SLC24A3: variants seen among roughly 807,000 people sequenced by gnomAD.
The protein encoded by SLC24A3 is sodium/potassium/calcium exchanger 3.
SLC24A3 carries 28 observed loss-of-function variants against 75.8 expected under a neutral mutation model. That is an observed-to-expected ratio of 0.37 (90% CI 0.27 to 0.51). The LOEUF is 0.51. Among genes scored for constraint, SLC24A3 ranks in the 20% least tolerant of loss-of-function variants. The pLI is 0.94. For missense variants in SLC24A3, 663 were observed against 847.8 expected, an observed-to-expected ratio of 0.78 and a Z score of 2.71; for synonymous variants, 372 against 334.1, an observed-to-expected ratio of 1.11 and a Z score of -1.24.
chr20:19,535,177 A>G (rs1368971984), intron 3 of SLC24A3, among the ~76,000 whole-genome samples: 1 of 152,236 alleles, frequency 6.6e-6, no homozygotes, highest in African/African-American at 2.4e-5. Context: ...GTGATATTGT[A>G]TCAGTTAGCT....
At chr20:19,439,359 A>T (rs952445948) in intron 2 of SLC24A3, among the ~76,000 whole-genome samples, 5 of 152,212 alleles carry the variant, frequency 3.3e-5, no homozygotes, top group South Asian at 2.1e-4. Context: ...GGTTTAAAAA[A>T]TTTTTTTCTT....
At chr20:19,444,196 G>A (rs1022816119) in intron 2 of SLC24A3, among the ~76,000 whole-genome samples, 2 of 152,020 alleles carry the variant, frequency 1.3e-5, no homozygotes, top group African/African-American at 4.8e-5. Flanking sequence ...CCTGGTCATG[G>A]CGTATAATTT....
At chr20:19,223,748 C>T (rs1167330421) in intron 1 of SLC24A3, among the ~76,000 whole-genome samples, 3 of 152,142 alleles carry the variant, frequency 2.0e-5, no homozygotes, top group Admixed American at 6.5e-5. Context: ...ACAGGGCCTA[C>T]GTAAGGAGAT....
intron 2 of SLC24A3, among the ~76,000 whole-genome samples, chr20:19,499,913 C>T (rs1347062128): frequency 6.6e-6 from 1 of 152,074 alleles, no homozygotes; most frequent in African/African-American, 2.4e-5. Flanking sequence ...CCAGTTTGTG[C>T]ATTTGTGTGT....
chr20:19,258,748 A>C (rs1380431860), intron 1 of SLC24A3, among the ~76,000 whole-genome samples: 1 of 152,136 alleles, frequency 6.6e-6, no homozygotes, highest in Non-Finnish European at 1.5e-5. Context: ...ATAAAAGTGA[A>C]CATTTTCCTG....
chr20:19,483,978 G>C (rs1051440000), intron 2 of SLC24A3, among the ~76,000 whole-genome samples: 28 of 152,264 alleles, frequency 1.8e-4, no homozygotes, highest in African/African-American at 6.5e-4. Flanking sequence ...TTTGAGATAC[G>C]TATCCAAAAG....
chr20:19,265,961 C>T (rs1191591105), intron 1 of SLC24A3: 2 of 153,034 alleles, frequency 1.3e-5, no homozygotes, highest in African/African-American at 2.4e-5. Context: ...GGAGCTTCCT[C>T]CCAGAACAGG....
At chr20:19,642,511 A>G (rs1440211471) in intron 6 of SLC24A3, among the ~76,000 whole-genome samples, 1 of 152,212 alleles carries the variant, frequency 6.6e-6, no homozygotes, top group African/African-American at 2.4e-5. Flanking sequence ...CACACACCCT[A>G]AAATGTGGAG....
At chr20:19,661,223 T>G (rs1037484623) in intron 7 of SLC24A3, among the ~76,000 whole-genome samples, 2 of 152,214 alleles carry the variant, frequency 1.3e-5, no homozygotes, top group African/African-American at 4.8e-5. Flanking sequence ...CTTCATATAT[T>G]TATACAACAT....
chr20:19,674,680 A>T (rs2122730641), intron 9 of SLC24A3, among the ~76,000 whole-genome samples: 2 of 152,378 alleles, frequency 1.3e-5, no homozygotes, highest in South Asian at 4.1e-4. Flanking sequence ...GAAAAATGTC[A>T]AAGAACTGTT....
rs755232842 is a variant in SLC24A3 at position 19,443,739 on chromosome 20, G to T, written c.272-71749G>T. On this transcript the variant is annotated intron_variant, in intron 2 of 16. Transcript: ENST00000328041. ...AGGAGTAGTGAGAGGAAACATCATT[G>T]CCTTACTCCTGCTGATCTTAGGGGA... Among the ~76,000 whole-genome samples, 169 of 152,140 alleles carry T rather than the reference G, an allele frequency of 1.1e-3. 1 individual carries two copies. The highest frequency in any genetic ancestry group is 2.1e-3 in the Admixed American group (32 of 15,278).
Position 19,585,979 on chromosome 20 carries a change from C to T in SLC24A3, c.612+435C>T, listed in dbSNP as rs368309066. Among the ~76,000 whole-genome samples, 19 of 152,308 alleles carry T rather than the reference C, an allele frequency of 1.2e-4. 2 individuals carry two copies. The highest frequency in any genetic ancestry group is 4.1e-4 in the South Asian group (2 of 4,824). Reference sequence around the variant, plus strand: ...TGCTAAACAAAACATGCAGTCATCACGGTTTAGGACACAGCCTAACCTTTT... The same window carrying T: ...TGCTAAACAAAACATGCAGTCATCATGGTTTAGGACACAGCCTAACCTTTT... On this transcript the variant is annotated intron_variant, in intron 6 of 16. Coordinates refer to ENST00000328041, the MANE Select transcript of SLC24A3 (RefSeq NM_020689.4).
At chr20:19,653,522 ACATGTTG>A (rs1188541961) in intron 6 of SLC24A3, among the ~76,000 whole-genome samples, 3 of 152,222 alleles carry the variant, frequency 2.0e-5, no homozygotes, top group Non-Finnish European at 4.4e-5. Context: ...GCAGCCCAGC[ACATGTTG>A]CTCACTCCAC....
At chr20:19,254,180 C>G (rs1484401697) in intron 1 of SLC24A3, among the ~76,000 whole-genome samples, 2 of 152,200 alleles carry the variant, frequency 1.3e-5, no homozygotes, top group Non-Finnish European at 2.9e-5. Context: ...CTGTGCCATC[C>G]TAGTGTGCTC....
rs144589352 is a variant in SLC24A3 at position 19,502,000 on chromosome 20, C to T, written c.272-13488C>T. Among the ~76,000 whole-genome samples, 744 of 152,008 alleles carry T rather than the reference C, an allele frequency of 4.9e-3. 11 individuals are homozygous for T. The highest frequency in any genetic ancestry group is 0.015 in the African/African-American group (602 of 41,412). ...CTTTAATGTGAATTTGGTTTGCAGT[C>T]GCTTATGAAGTAGAATATATTCCAG... On this transcript the variant is annotated intron_variant, in intron 2 of 16. Coordinates refer to ENST00000328041, the MANE Select transcript of SLC24A3 (RefSeq NM_020689.4).
intron 6 of SLC24A3, among the ~76,000 whole-genome samples, chr20:19,611,225 G>C (rs1347397546): frequency 6.6e-6 from 1 of 152,206 alleles, no homozygotes; most frequent in African/African-American, 2.4e-5. Flanking sequence ...ACTCAGCTTA[G>C]AGCAGAAGAT....
chr20:19,498,512 C>T (rs1988331310), intron 2 of SLC24A3, among the ~76,000 whole-genome samples: 1 of 152,018 alleles, frequency 6.6e-6, no homozygotes, highest in Admixed American at 6.6e-5. Context: ...TAGGGCTCCA[C>T]TCAAGCCTGA....
At position 19,685,080 on chromosome 20, in the gene SLC24A3, G is replaced by A. The variant is rs747683389; in HGVS notation, c.1063-20G>A. 2.5e-6 allele frequency: 4 copies of A among 1,588,344 alleles called. No individual in the cohort carries two copies. The highest frequency in any genetic ancestry group is 1.7e-5 in the Admixed American group (1 of 58,400). Reference sequence around the variant, plus strand: ...TGCAATCCCTCTGACCGTGGTAAGAGTGCGCCTTTCTCTTTCCAGAGACAA... The same window carrying A: ...TGCAATCCCTCTGACCGTGGTAAGAATGCGCCTTTCTCTTTCCAGAGACAA... On this transcript the variant is annotated intron_variant, in intron 11 of 16. Transcript: ENST00000328041.
intron 2 of SLC24A3, among the ~76,000 whole-genome samples, chr20:19,297,141 C>G (rs1984081209): frequency 6.6e-6 from 1 of 152,208 alleles, no homozygotes; most frequent in African/African-American, 2.4e-5. Context: ...CTCTCCCCAA[C>G]CCTGTGGCCA....
Sources: allele counts gnomAD v4.1 joint callset (sites outside exome capture counted in the v4.1 genomes callset), GRCh38; gene constraint gnomAD v4.1.1; transcripts MANE v1.5; gene names NCBI Gene and HGNC (gene_info 2026-07-23, HGNC 2026-07-21).